RC3H1: variants seen among roughly 807,000 people sequenced by gnomAD.
The protein encoded by RC3H1 is ring finger and CCCH-type domains 1.
In RC3H1, 50 loss-of-function variants were observed where a neutral mutation model predicts 138.2. The observed-to-expected ratio is 0.36, with a 90% CI of 0.29 to 0.46. The LOEUF is 0.46. Among genes scored for constraint, RC3H1 ranks in the 20% least tolerant of loss-of-function variants. The pLI is 1.00. For missense variants in RC3H1, 1,031 were observed against 1,388.1 expected (o/e 0.74, Z 4.09); for synonymous variants, 462 against 489.1 (o/e 0.94, Z 0.73).
intron 7 of RC3H1, among the ~76,000 whole-genome samples, chr1:173,976,580 T>C (rs1444229455): frequency 6.6e-6 from 1 of 152,102 alleles, no homozygotes; most frequent in African/African-American, 2.4e-5. Context: ...GCAGTGGAGA[T>C]AAATGCCTGA....
intron 6 of RC3H1, among the ~76,000 whole-genome samples, chr1:173,980,255 G>GAA (rs1209819661): frequency 0.019 from 1,421 of 76,098 alleles, 32 homozygotes; most frequent in African/African-American, 0.064. Context: ...TTAGAAATAG[G>GAA]AAAAAAAAAA....
In RC3H1 at chr1:173,942,428, C is replaced by CAAAAAAAAAA. The variant is rs60694243; in HGVS notation, c.3135+1004_3135+1013dup. ...ACCCTGGGTGACAGAGACTCAGTCTCAAAAAAAAAAAAAAAAAAAAAAGAA... is the reference window on the plus strand; with the variant it reads ...ACCCTGGGTGACAGAGACTCAGTCTCAAAAAAAAAAAAAAAAAAAAAAAAAAAAAAAAGAA... On this transcript the variant is annotated intron_variant, in intron 18 of 19. Transcript: ENST00000367696. 2.4e-3 allele frequency among the ~76,000 whole-genome samples: 93 copies of CAAAAAAAAAA among 38,076 alleles called. 9 individuals are homozygous for CAAAAAAAAAA. Among genetic ancestry groups the CAAAAAAAAAA allele is most frequent in the African/African-American group, 0.012 (82 of 6,986 alleles). 25.0% of individuals were successfully genotyped at this position (38,076 alleles called of 152,430 possible).
intron 2 of RC3H1, among the ~76,000 whole-genome samples, chr1:173,989,710 G>GT (rs372808172): frequency 0.01 from 1,061 of 103,238 alleles, 99 homozygotes; most frequent in South Asian, 0.015. Context: ...GTTTATTCAA[G>GT]TTTTTTTTTT....
chr1:174,002,794 C>T (rs1171995821), intron 1 of RC3H1, among the ~76,000 whole-genome samples: 4 of 152,140 alleles, frequency 2.6e-5, no homozygotes, highest in Non-Finnish European at 5.9e-5. Context: ...ACTCCTTGCC[C>T]ATATCTATTG....
At chr1:173,944,126 T>A (rs867710558) in intron 17 of RC3H1, among the ~76,000 whole-genome samples, 68 of 148,540 alleles carry the variant, frequency 4.6e-4, no homozygotes, top group African/African-American at 1.7e-3. Context: ...ATCATGCCAC[T>A]GCACTCCATG....
chr1:174,017,028 A>T (rs1661873783), intron 1 of RC3H1, among the ~76,000 whole-genome samples: 1 of 152,224 alleles, frequency 6.6e-6, no homozygotes, highest in Non-Finnish European at 1.5e-5. Flanking sequence ...GCAGAGTGCC[A>T]CGCAAATCAA....
intron 6 of RC3H1, among the ~76,000 whole-genome samples, chr1:173,979,414 G>A (rs1660712873): frequency 6.6e-6 from 1 of 152,206 alleles, no homozygotes; most frequent in African/African-American, 2.4e-5. Flanking sequence ...TTGGGAGGCT[G>A]TGGTGGGCAG....
chr1:174,016,348 A>C (rs1038141702), intron 1 of RC3H1: 1 of 151,938 alleles, frequency 6.6e-6, no homozygotes, highest in Non-Finnish European at 1.5e-5. Context: ...AAAAAATTAC[A>C]GAAAACCAGA....
At chr1:173,985,383 A>G (rs1302403604) in intron 2 of RC3H1, among the ~76,000 whole-genome samples, 1 of 110,492 alleles carries the variant, frequency 9.1e-6, no homozygotes, top group East Asian at 2.5e-4. Context: ...GCAGAGTAGC[A>G]TTTTATATAT....
At chr1:173,994,189 C>G (rs1661405178) in intron 1 of RC3H1, among the ~76,000 whole-genome samples, 1 of 151,736 alleles carries the variant, frequency 6.6e-6, no homozygotes, top group Non-Finnish European at 1.5e-5. Context: ...GTTGGGAGTT[C>G]AAGACCAGAC....
At chr1:173,986,380 C>T (rs549058920) in intron 2 of RC3H1, among the ~76,000 whole-genome samples, 68 of 152,270 alleles carry the variant, frequency 4.5e-4, no homozygotes, top group Admixed American at 1.6e-3. Flanking sequence ...GAGAAAGAGT[C>T]TCGCTCTGTC....
intron 1 of RC3H1, among the ~76,000 whole-genome samples, chr1:174,001,318 T>A (rs998093925): frequency 8.5e-5 from 13 of 152,220 alleles, no homozygotes; most frequent in Admixed American, 2.0e-4. Context: ...ACTTTACGTA[T>A]GTAGTTTGAA....
intron 7 of RC3H1, among the ~76,000 whole-genome samples, chr1:173,975,521 TTATAA>T (rs56853337): frequency 0.032 from 4,853 of 152,066 alleles, 92 homozygotes; most frequent in Middle Eastern, 0.095. Context: ...AGGTTGTTAA[TTATAA>T]TATGTCTTCA....
rs1660309541 is a variant in RC3H1 at position 173,970,471 on chromosome 1, C to T, written c.1334+34G>A. The T allele has an allele frequency of 3.6e-6, 5 of 1,389,694 alleles. No homozygotes were observed. In the East Asian group the frequency reaches 9.1e-5, roughly 25 times the overall value. 86.1% of individuals were successfully genotyped at this position (1,389,694 alleles called of 1,614,324 possible). A position where few individuals can be genotyped will look rare whatever the true frequency, so the allele number is the denominator to read the frequency against. On this transcript the variant is annotated intron_variant, in intron 9 of 19. Transcript: ENST00000367696. ...ATGTCAGCGAATTATTCCACTTACA[C>T]CTTATTCCAAAGTCTCCTGACTTTC... is the stretch of plus-strand genomic sequence containing the variant.
intron 9 of RC3H1, among the ~76,000 whole-genome samples, chr1:173,966,207 G>A (rs1660110433): frequency 6.6e-6 from 1 of 152,122 alleles, no homozygotes; most frequent in African/African-American, 2.4e-5. Context: ...CTGATGTTAT[G>A]TATGCCAATA....
At position 173,946,765 on chromosome 1, in the gene RC3H1, G is replaced by C; in HGVS notation, c.2809C>G (p.Gln937Glu). Residue 937 changes from glutamine to glutamate, a missense_variant, in exon 16 of 20, where the codon CAG becomes GAG. Transcript: ENST00000367696. ...PYSPHQNIPSQGHFSERERIS... is the reference protein window; with the variant it reads ...PYSPHQNIPSEGHFSERERIS... ...TCATACCTCTCACTGAAGTGTCCCT[G>C]AGAAGGTATGTTTTGATGAGGTGAA... 1 of 1,613,604 alleles carries C rather than the reference G, an allele frequency of 6.2e-7. No homozygotes were observed. The highest frequency in any genetic ancestry group is 8.5e-7 in the Non-Finnish European group (1 of 1,179,500).
intron 11 of RC3H1, 122 bp from the exon 12 acceptor site, chr1:173,962,217 G>GT: frequency 1.0e-6 from 1 of 956,244 alleles, no homozygotes; most frequent in Non-Finnish European, 1.5e-6. Flanking sequence ...TTCTTTACGA[G>GT]TTTTCCATCT....
intron 2 of RC3H1, among the ~76,000 whole-genome samples, chr1:173,985,679 A>T (rs996132670): frequency 2.6e-5 from 4 of 152,114 alleles, no homozygotes; most frequent in Non-Finnish European, 5.9e-5. Context: ...GAAACATACA[A>T]TGTATTACTA....
chr1:174,013,897 A>T (rs1334216517), intron 1 of RC3H1, among the ~76,000 whole-genome samples: 2 of 152,132 alleles, frequency 1.3e-5, no homozygotes, highest in African/African-American at 4.8e-5. Context: ...TCTATTTTAA[A>T]CAAAAACAAA....
Sources: allele counts gnomAD v4.1 joint callset (sites outside exome capture counted in the v4.1 genomes callset), GRCh38; gene constraint gnomAD v4.1.1; transcripts MANE v1.5; gene names NCBI Gene and HGNC (gene_info 2026-07-23, HGNC 2026-07-21).